Variants in RPF2 observed in about 807,000 individuals in gnomAD.
The protein encoded by RPF2 is brix domain containing 1.
Under a neutral mutation model 38.9 loss-of-function variants are expected in RPF2, and 21 were observed. The ratio of observed to expected loss-of-function variants is 0.54; its 90% CI spans 0.38 to 0.78. The LOEUF (loss-of-function observed/expected upper bound fraction) is 0.78, where lower values mean the gene tolerates loss of function less well. Among genes scored for constraint, RPF2 ranks in the 30% least tolerant of loss-of-function variants. The probability of loss-of-function intolerance (pLI) is 0.00; values close to 1 mark genes in which losing one functional copy is unlikely to be tolerated. For missense variants in RPF2, 314 were observed against 358.1 expected, an observed-to-expected ratio of 0.88 and a Z score of 0.99; for synonymous variants, 121 against 126.2, an observed-to-expected ratio of 0.96 and a Z score of 0.28.
chr6:110,991,443 G>C (rs1241076444), intron 3 of RPF2, among the ~76,000 whole-genome samples: 3 of 140,858 alleles, frequency 2.1e-5, no homozygotes, highest in African/African-American at 8.0e-5. Flanking sequence ...ATTGAATACT[G>C]TCAATCCGTG....
chr6:111,025,555 A>G lies in RPF2; in HGVS notation c.894A>G (p.Lys298=). 6.2e-7 allele frequency: 1 copy of G among 1,606,932 alleles called. No individual in the cohort carries two copies. The change falls in exon 10 of 10, where the codon AAA becomes AAG. Residue 298 remains lysine, a synonymous_variant. Transcript: ENST00000441448. The stretch of plus-strand genomic sequence containing the variant: ...AAAGGATAACAGAAGACCACGAGAA[A>G]AAGTCAAAAAGAATTAAAAAAAATT... ...PAERITEDHE[K]KSKRIKKN
chr6:110,993,008 G>A (rs1394425377), intron 4 of RPF2, among the ~76,000 whole-genome samples: 1 of 152,182 alleles, frequency 6.6e-6, no homozygotes, highest in Non-Finnish European at 1.5e-5. Flanking sequence ...TGTTGCCTAG[G>A]CTGGAGTGCA....
At chr6:110,992,008 T>C (rs1193409491) in intron 4 of RPF2, among the ~76,000 whole-genome samples, 1 of 152,170 alleles carries the variant, frequency 6.6e-6, no homozygotes, top group Non-Finnish European at 1.5e-5. Context: ...AATATATTGA[T>C]AAAATTTTTA....
At chr6:110,987,058 A>G (rs989548146) in intron 2 of RPF2, among the ~76,000 whole-genome samples, 3 of 151,958 alleles carry the variant, frequency 2.0e-5, no homozygotes, top group African/African-American at 7.3e-5. Flanking sequence ...TCAATTAAGT[A>G]ATCGAATACA....
chr6:111,020,110 G>C (rs905243928), intron 8 of RPF2, among the ~76,000 whole-genome samples: 2 of 152,138 alleles, frequency 1.3e-5, no homozygotes, highest in African/African-American at 4.8e-5. Flanking sequence ...AGTAGAGACA[G>C]GGTTTCACCA....
Position 110,984,986 on chromosome 6 carries a change from A to G in RPF2, c.24-20A>G, listed in dbSNP as rs1412921780. 1.2e-6 allele frequency: 2 copies of G among 1,604,348 alleles called. No homozygotes were observed. Among genetic ancestry groups the G allele is most frequent in the East Asian group, 2.2e-5 (1 of 44,734 alleles). ...TGAGGAAAATGTTTAAATAGTTATGAATTGTGCTTTTCTGAACAGAAAGCC... is the reference window on the plus strand; with the variant it reads ...TGAGGAAAATGTTTAAATAGTTATGGATTGTGCTTTTCTGAACAGAAAGCC... On this transcript the variant is annotated intron_variant, in intron 1 of 9. Transcript: ENST00000441448.
At chr6:110,989,192 A>C (rs1409976160) in intron 3 of RPF2, 127 bp downstream of exon 3, 1 of 985,310 alleles carries the variant, frequency 1.0e-6, no homozygotes, top group African/African-American at 1.9e-5. Flanking sequence ...AGTTATTAAT[A>C]TTTTAATTTC....
At chr6:111,018,659 AT>A (rs1307586814) in intron 8 of RPF2, among the ~76,000 whole-genome samples, 121 of 152,300 alleles carry the variant, frequency 7.9e-4, no homozygotes, top group African/African-American at 2.7e-3. Flanking sequence ...CTTTTTCTCC[AT>A]ATAATTAATA....
intron 4 of RPF2, among the ~76,000 whole-genome samples, chr6:110,993,118 T>C (rs1771647968): frequency 6.6e-6 from 1 of 152,116 alleles, no homozygotes; most frequent in Non-Finnish European, 1.5e-5. Flanking sequence ...GATGCCTGGC[T>C]AATTTTTGTA....
At chr6:110,998,094 G>A (rs955156596) in intron 5 of RPF2, among the ~76,000 whole-genome samples, 3 of 151,936 alleles carry the variant, frequency 2.0e-5, no homozygotes, top group African/African-American at 4.8e-5. Flanking sequence ...TAGTAGAGAC[G>A]GGGTTTCACC....
At chr6:110,985,978 G>T (rs1024948537) in intron 2 of RPF2, among the ~76,000 whole-genome samples, 2 of 152,040 alleles carry the variant, frequency 1.3e-5, no homozygotes, top group African/African-American at 4.8e-5. Context: ...CCCCACACAG[G>T]GTAGGTTCCC....
chr6:111,007,998 C>T (rs1771944140), intron 6 of RPF2, 40 bp from the exon 7 acceptor site: 3 of 1,496,324 alleles, frequency 2.0e-6, no homozygotes, highest in South Asian at 2.7e-5. Flanking sequence ...ACAGTTTAGA[C>T]TTTGGTAATT....
chr6:110,984,867 A>G, intron 1 of RPF2, 139 bp from the exon 2 acceptor site: 2 of 989,346 alleles, frequency 2.0e-6, no homozygotes, highest in Non-Finnish European at 3.0e-6. Context: ...AACAAACAAA[A>G]AAAAGAAAGT....
At chr6:111,024,546 TA>T (rs2114359513) in intron 9 of RPF2, among the ~76,000 whole-genome samples, 1 of 152,028 alleles carries the variant, frequency 6.6e-6, no homozygotes, top group South Asian at 2.1e-4. Flanking sequence ...ACCCCGTCTC[TA>T]TGAAAAATAC....
At chr6:110,984,839 CAAAAACAAACAAAA>C (rs754008808) in intron 1 of RPF2, among the ~76,000 whole-genome samples, 153 bp from the exon 2 acceptor site, 14 of 114,270 alleles carry the variant, frequency 1.2e-4, no homozygotes, top group Admixed American at 1.6e-4. Context: ...GACTCCATCT[CAAAAACAAACAAAA>C]AAAAACAAAC....
intron 2 of RPF2, among the ~76,000 whole-genome samples, chr6:110,987,663 G>A (rs532467608): frequency 1.3e-5 from 2 of 152,312 alleles, no homozygotes; most frequent in Admixed American, 6.5e-5. Flanking sequence ...AGTTGGCCAA[G>A]AATCATCAAA....
At chr6:111,008,245 T>C in intron 7 of RPF2, 108 bp downstream of exon 7, 2 of 1,213,650 alleles carry the variant, frequency 1.6e-6, no homozygotes, top group South Asian at 3.9e-5. Flanking sequence ...TTTTCTCTTA[T>C]TTTAAAAATA....
rs1212839399 is a variant in RPF2 at position 111,027,646 on chromosome 6, T to C, written c.*2064T>C. ...CCCAAAGATGGCCATGATTTCTGTATGTGAGACGTCTTAAGGGTGTTTTTG... is the reference window on the plus strand; with the variant it reads ...CCCAAAGATGGCCATGATTTCTGTACGTGAGACGTCTTAAGGGTGTTTTTG... On this transcript the variant is annotated 3_prime_UTR_variant, in exon 10 of 10. Transcript: ENST00000441448. 1 of 152,228 alleles carries C rather than the reference T, an allele frequency of 6.6e-6. No individual in the cohort carries two copies. The highest frequency in any genetic ancestry group is 1.5e-5 in the Non-Finnish European group (1 of 68,026). 9.4% of individuals were successfully genotyped at this position (152,228 alleles called of 1,614,324 possible). A position where few individuals can be genotyped will look rare whatever the true frequency, so the allele number is the denominator to read the frequency against.
In RPF2 at chr6:111,025,632, T is replaced by C; in HGVS notation, c.*50T>C. ...TTCATTGTGTTCTACTTAAGAGAAT[T>C]ATCAAGCGTCAATCCATTCAGAGTT... On this transcript the variant is annotated 3_prime_UTR_variant, in exon 10 of 10. Transcript: ENST00000441448. 1 of 1,383,882 alleles carries C rather than the reference T, an allele frequency of 7.2e-7. No homozygotes were observed. Among genetic ancestry groups the C allele is most frequent in the South Asian group, 1.3e-5 (1 of 74,466 alleles). The allele number at this position is 1,383,882 out of a possible 1,614,324, so 85.7% of individuals were successfully genotyped here.
Sources: gnomAD v4.1 joint callset for allele counts (sites outside exome capture counted in the v4.1 genomes callset) on GRCh38, gnomAD v4.1.1 for gene constraint, MANE v1.5 for transcripts, NCBI Gene and HGNC (gene_info 2026-07-23, HGNC 2026-07-21) for gene names.